DPH6: variants seen among roughly 807,000 people sequenced by gnomAD.
DPH6 encodes the protein diphthine--ammonia ligase.
Under a neutral mutation model 38.2 loss-of-function variants are expected in DPH6, and 33 were observed. The ratio of observed to expected loss-of-function variants is 0.86; its 90% CI spans 0.65 to 1.15. The LOEUF is 1.15. DPH6 is among the 50% of genes most tolerant of loss of function. The probability of loss-of-function intolerance (pLI) is 0.00; values close to 1 mark genes in which losing one functional copy is unlikely to be tolerated. For synonymous variants in DPH6, 108 were observed against 103.0 expected (o/e 1.05, Z -0.30); for missense variants, 325 against 320.0 (o/e 1.02, Z -0.12).
At chr15:35,223,869 G>A (rs1329669916) in intron 3 of DPH6, among the ~76,000 whole-genome samples, 2 of 151,908 alleles carry the variant, frequency 1.3e-5, no homozygotes, top group African/African-American at 4.8e-5. Flanking sequence ...CACTATTACA[G>A]TTTCTTACAG....
intron 3 of DPH6, among the ~76,000 whole-genome samples, chr15:35,291,802 T>C (rs1233364144): frequency 2.0e-5 from 3 of 152,134 alleles, no homozygotes; most frequent in Admixed American, 6.5e-5. Flanking sequence ...GGAAATTATA[T>C]TGTCAGGTAG....
chr15:35,465,774 A>T (rs938700876), intron 3 of DPH6, among the ~76,000 whole-genome samples: 2 of 152,230 alleles, frequency 1.3e-5, no homozygotes, highest in Non-Finnish European at 2.9e-5. Flanking sequence ...AATTTGTAGT[A>T]TTATTATCTC....
chr15:35,274,636 A>G (rs1566856899), intron 3 of DPH6, among the ~76,000 whole-genome samples: 1 of 152,214 alleles, frequency 6.6e-6, no homozygotes, highest in Non-Finnish European at 1.5e-5. Flanking sequence ...CAAACATATG[A>G]AAGAAAGCTC....
At chr15:35,178,772 C>T in the DPH6 span, among the ~76,000 whole-genome samples, 1 of 152,026 alleles carries the variant, frequency 6.6e-6, no homozygotes, top group South Asian at 2.1e-4. Context: ...TCAAATATAC[C>T]TTTTAGAGGT....
chr15:35,365,698 C>T, intron 3 of DPH6: 1 of 836,384 alleles, frequency 1.2e-6, no homozygotes, highest in Non-Finnish European at 1.4e-6. Context: ...GTTTGATTCC[C>T]AACACAAATG....
intron 3 of DPH6, among the ~76,000 whole-genome samples, chr15:35,363,052 G>C (rs1409333861): frequency 1.3e-5 from 2 of 151,986 alleles, no homozygotes; most frequent in African/African-American, 4.8e-5. Context: ...CTTGTATTAT[G>C]GCCCTGGGTA....
chr15:35,364,484 C>A (rs529411824), intron 3 of DPH6, among the ~76,000 whole-genome samples: 1 of 152,076 alleles, frequency 6.6e-6, no homozygotes, highest in African/African-American at 2.4e-5. Context: ...CACAACTGAA[C>A]TATTAAATAA....
chr15:35,177,614 T>C, the DPH6 span, among the ~76,000 whole-genome samples: 1 of 142,850 alleles, frequency 7.0e-6, no homozygotes, highest in African/African-American at 2.6e-5. Context: ...ATCATCATCA[T>C]CATCATCATC....
chr15:35,236,330 A>C (rs1250789938), intron 3 of DPH6, among the ~76,000 whole-genome samples: 1 of 152,222 alleles, frequency 6.6e-6, no homozygotes, highest in Non-Finnish European at 1.5e-5. Flanking sequence ...CCTTATTGTA[A>C]TCACATGTTA....
chr15:35,168,316 AAG>A, the DPH6 span, among the ~76,000 whole-genome samples: 1 of 152,020 alleles, frequency 6.6e-6, no homozygotes, highest in African/African-American at 2.4e-5. Context: ...TTGCCTTGAA[AAG>A]AGAAGAGAAT....
intron 3 of DPH6, among the ~76,000 whole-genome samples, chr15:35,238,657 A>G (rs1414697977): frequency 2.0e-5 from 3 of 152,216 alleles, no homozygotes; most frequent in Non-Finnish European, 4.4e-5. Context: ...AAGCCAAGCC[A>G]TCGCATCCCC....
At chr15:35,349,183 C>A (rs1177648995) in intron 3 of DPH6, among the ~76,000 whole-genome samples, 1 of 152,086 alleles carries the variant, frequency 6.6e-6, no homozygotes, top group African/African-American at 2.4e-5. Flanking sequence ...GGAATTCCAA[C>A]ACTACGTTGA....
At chr15:35,269,313 C>T (rs2140425454) in intron 3 of DPH6, among the ~76,000 whole-genome samples, 1 of 152,162 alleles carries the variant, frequency 6.6e-6, no homozygotes, top group East Asian at 1.9e-4. Flanking sequence ...GACAAACTAT[C>T]TGATTATATG....
intron 3 of DPH6, among the ~76,000 whole-genome samples, chr15:35,362,310 C>T (rs1394978244): frequency 6.6e-6 from 1 of 152,154 alleles, no homozygotes; most frequent in Non-Finnish European, 1.5e-5. Flanking sequence ...GCTTTCTTTT[C>T]TGTTCTCTGT....
downstream of DPH6, among the ~76,000 whole-genome samples, chr15:35,328,789 G>A (rs182810839): frequency 3.6e-4 from 55 of 152,264 alleles, no homozygotes; most frequent in Admixed American, 2.9e-3. Context: ...CTGCTGATAA[G>A]TTGCCAGAGA....
At chr15:35,384,084 G>C (rs2052908872) in intron 6 of DPH6, among the ~76,000 whole-genome samples, 1 of 152,128 alleles carries the variant, frequency 6.6e-6, no homozygotes, top group South Asian at 2.1e-4. Context: ...ACTGTTCATA[G>C]AAAACAGCAA....
At chr15:35,294,849 A>C (rs755921087) in intron 3 of DPH6, among the ~76,000 whole-genome samples, 8 of 152,218 alleles carry the variant, frequency 5.3e-5, no homozygotes, top group Non-Finnish European at 1.2e-4. Context: ...TCCTAAAGCT[A>C]TGAGACTTGT....
At chr15:35,399,034 A>G (rs1453237703) in intron 6 of DPH6, among the ~76,000 whole-genome samples, 3 of 152,330 alleles carry the variant, frequency 2.0e-5, no homozygotes, top group Non-Finnish European at 4.4e-5. Flanking sequence ...CCTAGTGCTT[A>G]CAATCAAATT....
intron 3 of DPH6, among the ~76,000 whole-genome samples, chr15:35,465,759 T>C (rs2061084): frequency 0.76 from 114,833 of 152,068 alleles, 46,093 homozygotes; most frequent in Non-Finnish European, 0.9. Flanking sequence ...GAATATTAGG[T>C]CACTAATTTG....
Sources: gnomAD v4.1 joint callset for allele counts (sites outside exome capture counted in the v4.1 genomes callset) on GRCh38, gnomAD v4.1.1 for gene constraint, MANE v1.5 for transcripts, NCBI Gene and HGNC (gene_info 2026-07-23, HGNC 2026-07-21) for gene names.